Variants in MED15 observed in about 807,000 individuals in gnomAD.
The protein encoded by MED15 is mediator of RNA polymerase II transcription subunit 15.
MED15 carries 41 observed loss-of-function variants against 118.7 expected under a neutral mutation model. That is an observed-to-expected ratio of 0.35 (90% CI 0.27 to 0.45). The LOEUF is 0.45. Ranked by LOEUF, MED15 falls within the 20% of genes least tolerant of loss-of-function variation. The probability of loss-of-function intolerance (pLI) is 1.00; values close to 1 mark genes in which losing one functional copy is unlikely to be tolerated. For missense variants in MED15, 740 were observed against 1,025.5 expected (o/e 0.72, Z 3.80); for synonymous variants, 436 against 413.9 (o/e 1.05, Z -0.65).
chr22:20,566,398 G>A, intron 6 of MED15, 69 bp from the exon 7 acceptor site: 2 of 1,586,594 alleles, frequency 1.3e-6, no homozygotes, highest in Non-Finnish European at 1.7e-6. Context: ...GGCCCAGACT[G>A]TCACAGGGAG....
Position 20,576,563 on chromosome 22 carries a change from C to T in MED15, c.1272+1331C>T, listed in dbSNP as rs746774028. On this transcript the variant is annotated intron_variant, in intron 9 of 17. Transcript: ENST00000263205. ...CCCAGATGTGCCATTCACATAGTTA[C>T]TGACTGGAACTTAGTTTCTTTGGCA... 1.4e-4 allele frequency among the ~76,000 whole-genome samples: 21 copies of T among 152,408 alleles called. 1 individual carries two copies. The highest frequency in any genetic ancestry group is 2.6e-4 in the Non-Finnish European group (18 of 68,044).
intron 6 of MED15, 28 bp from the exon 7 acceptor site, chr22:20,566,439 A>G (rs1385725358): frequency 6.2e-7 from 1 of 1,607,758 alleles, no homozygotes; most frequent in South Asian, 1.1e-5. Context: ...GATGAGTGAT[A>G]ACCGAGTGCT....
chr22:20,553,078 C>CCACT, intron 3 of MED15, 67 bp from the exon 4 acceptor site: 1 of 1,475,930 alleles, frequency 6.8e-7, no homozygotes, highest in Non-Finnish European at 9.4e-7. Context: ...AACTGACCTA[C>CCACT]CCATGGAAAT....
rs1280862906 is a variant in MED15, at chr22:20,568,663, C to A, written c.1152+32C>A. On this transcript the variant is annotated intron_variant, in intron 8 of 17. Transcript: ENST00000263205. ...GCCTGGGGGTGGAGGGCTCCATAGT[C>A]ATCAGCAGGTGCATGTTCACCTGCG... 1.9e-6 allele frequency: 3 copies of A among 1,605,172 alleles called. No homozygotes were observed. In the African/African-American group the frequency reaches 4.0e-5, roughly 21 times the overall value.
chr22:20,567,849 GT>G (rs1466052222), intron 7 of MED15, among the ~76,000 whole-genome samples: 2 of 152,074 alleles, frequency 1.3e-5, no homozygotes, highest in Admixed American at 6.6e-5. Context: ...TTTTGCCCAA[GT>G]TTGCCCCCCA....
chr22:20,550,866 T>A (rs2055740862), intron 2 of MED15: 1 of 323,496 alleles, frequency 3.1e-6, no homozygotes, highest in Non-Finnish European at 6.1e-6. Flanking sequence ...CACCTGAGAG[T>A]GGGCTTCACC....
At position 20,586,699 on chromosome 22, in the gene MED15, G is replaced by T. The variant is rs569307030; in HGVS notation, c.2362G>T (p.Ala788Ser). The change falls in exon 18 of 18, where the codon GCC (alanine) becomes TCC (serine). Residue 788 changes from alanine to serine, a missense_variant. This residue lies in a region of MED15 where 179 missense variants were observed against 259.0 expected (regional missense o/e 0.69). Coordinates refer to ENST00000263205, the MANE Select transcript of MED15 (RefSeq NM_001003891.3). The part of the protein sequence containing the change: ...QSVHQACLSA[A>S] ...CGTCCACCAGGCCTGCCTCTCAGCC[G>T]CCTAGCCAAGACTGCAGGGATGGCC... The T allele has an allele frequency of 3.1e-6, 5 of 1,612,226 alleles. No homozygotes were observed. The African/African-American group carries it at 6.7e-5, about 22-fold the overall frequency.
intron 1 of MED15, among the ~76,000 whole-genome samples, chr22:20,519,704 C>T (rs1356511430): frequency 6.6e-6 from 1 of 152,194 alleles, no homozygotes; most frequent in Admixed American, 6.5e-5. Flanking sequence ...ATCTGCCTGC[C>T]GCATCCTCCC....
chr22:20,554,702 G>C, intron 4 of MED15: 1 of 430,008 alleles, frequency 2.3e-6, no homozygotes, highest in Non-Finnish European at 4.1e-6. Context: ...CTTAACATTA[G>C]GACTCTGGTC....
At chr22:20,508,332 G>T (rs1246911405) in intron 1 of MED15, 1 of 1,304,210 alleles carries the variant, frequency 7.7e-7, no homozygotes, top group Non-Finnish European at 1.0e-6. Flanking sequence ...GTGAAGAGCT[G>T]GGGTCAGTGG....
intron 5 of MED15, among the ~76,000 whole-genome samples, chr22:20,558,406 G>C (rs1423218506): frequency 6.6e-6 from 1 of 152,182 alleles, no homozygotes; most frequent in Non-Finnish European, 1.5e-5. Flanking sequence ...AGGTGACCCA[G>C]GTTAGTCGGA....
Position 20,584,886 on chromosome 22 carries a change from C to T in MED15, c.1835C>T (p.Thr612Ile). ...CCCCCACCGCCCCCGGTGCCACCGA[C>T]CAAACAGCAGTACCTATGCCAGCCG... ...PTPPPPPVPP[T>I]KQQYLCQPLL... The change falls in exon 15 of 18, where the codon ACC becomes ATC. Residue 612 changes from threonine (T) to isoleucine (I), a missense_variant. Physicochemically the swap from Thr to Ile is moderately conservative, Grantham distance 89. Transcript: ENST00000263205. 6.2e-7 allele frequency: 1 copy of T among 1,613,538 alleles called. No individual in the cohort carries two copies. Among genetic ancestry groups the T allele is most frequent in the Non-Finnish European group, 8.5e-7 (1 of 1,180,008 alleles).
chr22:20,516,426 C>T (rs187454188), intron 1 of MED15, among the ~76,000 whole-genome samples: 3 of 152,182 alleles, frequency 2.0e-5, no homozygotes, highest in East Asian at 3.9e-4. Context: ...TTTTTGGACC[C>T]TAACAGCAGA....
At chr22:20,523,877 G>T in intron 1 of MED15, 1 of 979,016 alleles carries the variant, frequency 1.0e-6, no homozygotes, top group Non-Finnish European at 1.2e-6. Flanking sequence ...CAATGATCTT[G>T]TTTACTGGGA....
chr22:20,569,769 A>G (rs1367552914), intron 8 of MED15, among the ~76,000 whole-genome samples: 1 of 152,126 alleles, frequency 6.6e-6, no homozygotes, highest in African/African-American at 2.4e-5. Flanking sequence ...CACACCACAG[A>G]ACTCACATTT....
In MED15 at chr22:20,582,694, C is replaced by G. The variant is rs758769640; in HGVS notation, c.1356C>G (p.Pro452=). 97 of 1,597,592 alleles carry G rather than the reference C, an allele frequency of 6.1e-5. No homozygotes were observed. The highest frequency in any genetic ancestry group is 8.8e-5 in the South Asian group (8 of 90,736). ...CCCCGCAGTCGATGCCCCCTCCCCCCCAGCCGTCCCCGCAGCCCGGCCAGC... is the reference window on the plus strand; with the variant it reads ...CCCCGCAGTCGATGCCCCCTCCCCCGCAGCCGTCCCCGCAGCCCGGCCAGC... ...VQTPQSMPPP[P]QPSPQPGQPS... Residue 452 remains proline, a synonymous_variant, in exon 10 of 18, where the codon CCC becomes CCG. Transcript: ENST00000263205.
At chr22:20,564,321 A>ACGTT (rs2056352671) in intron 5 of MED15, 129 bp from the exon 6 acceptor site, 4 of 1,471,510 alleles carry the variant, frequency 2.7e-6, no homozygotes, top group Non-Finnish European at 3.7e-6. Context: ...GGTAAATGGA[A>ACGTT]CGTTCAGATT....
rs1310364583 is a variant in MED15 at position 20,531,041 on chromosome 22, G to A, written c.69-6076G>A. ...CTATCATCCTCAGGGCTACCCGTGA[G>A]GTCGGCACTGTCCCCACCCTTTGTG... On this transcript the variant is annotated intron_variant, in intron 1 of 17. Transcript: ENST00000263205. Among the ~76,000 whole-genome samples the A allele has an allele frequency of 3.3e-5, 5 of 152,296 alleles. No homozygotes were observed. The East Asian group carries it at 9.7e-4, about 29-fold the overall frequency.
intron 2 of MED15, among the ~76,000 whole-genome samples, chr22:20,548,938 G>A (rs970680034): frequency 6.6e-6 from 1 of 152,122 alleles, no homozygotes; most frequent in Non-Finnish European, 1.5e-5. Context: ...GGCCACTGGC[G>A]TGTGCTACCA....
Sources: allele counts gnomAD v4.1 joint callset (sites outside exome capture counted in the v4.1 genomes callset), GRCh38; gene constraint gnomAD v4.1.1; regional missense constraint gnomAD v4.1.1; transcripts MANE v1.5; gene names NCBI Gene and HGNC (gene_info 2026-07-23, HGNC 2026-07-21).